The following NAPG variants were observed in gnomAD, a reference collection of about 807,000 sequenced individuals.
NAPG encodes the protein NSF attachment protein gamma.
Under a neutral mutation model 48.4 loss-of-function variants are expected in NAPG, and 25 were observed. That is an observed-to-expected ratio of 0.52 (90% confidence interval 0.38 to 0.72). The LOEUF is 0.72. NAPG is among the 30% of genes least tolerant of loss of function. NAPG has a pLI of 0.00. For synonymous variants in NAPG, 139 were observed against 127.2 expected, an observed-to-expected ratio of 1.09 and a Z score of -0.62; for missense variants, 359 against 372.5, an observed-to-expected ratio of 0.96 and a Z score of 0.30.
rs1335071297 is a variant in NAPG, at chr18:10,539,893, C to T, written c.368+22C>T. The T allele has an allele frequency of 6.8e-6, 11 of 1,612,210 alleles. No individual in the cohort carries two copies. The South Asian group carries it at 8.8e-5, about 13-fold the overall frequency. On this transcript the variant is annotated intron_variant, in intron 6 of 11. Transcript: ENST00000322897. This position sits in a 1 kb window ranked among gnomAD's most constrained non-coding sequence, Gnocchi z 4.7. ...GAAAGTGAGTGTGAGATGGACAAGTCTCTGCATAGAAGTCTTGTCTTTTTG... is the reference window on the plus strand; with the variant it reads ...GAAAGTGAGTGTGAGATGGACAAGTTTCTGCATAGAAGTCTTGTCTTTTTG...
At chr18:10,536,110 C>T (rs1281504383) in intron 5 of NAPG, among the ~76,000 whole-genome samples, 3 of 152,164 alleles carry the variant, frequency 2.0e-5, no homozygotes, top group Non-Finnish European at 4.4e-5. Context: ...TGTACTAAGA[C>T]TTGAATCTTC....
rs899263256 is a variant in NAPG, at chr18:10,526,050, C to T, written c.-53C>T. 4.5e-6 allele frequency: 7 copies of T among 1,560,936 alleles called. No individual in the cohort carries two copies. Among genetic ancestry groups the T allele is most frequent in the African/African-American group, 2.7e-5 (2 of 73,848 alleles). On this transcript the variant is annotated 5_prime_UTR_variant, in exon 1 of 12. Coordinates refer to ENST00000322897, the MANE Select transcript of NAPG (RefSeq NM_003826.3). ...GCCTATTTGGGCGGATTCTTGGCGC[C>T]GGAGGAAGAGGCAGGGTCACCCTCT...
chr18:10,537,486 G>T (rs1473615662), intron 5 of NAPG, among the ~76,000 whole-genome samples: 1 of 152,102 alleles, frequency 6.6e-6, no homozygotes, highest in Non-Finnish European at 1.5e-5. Flanking sequence ...AGGAGGAAGA[G>T]GAGGAGGAGG....
chr18:10,547,531 G>A (rs986410358), intron 9 of NAPG, among the ~76,000 whole-genome samples: 2 of 151,820 alleles, frequency 1.3e-5, no homozygotes, highest in Non-Finnish European at 2.9e-5. Flanking sequence ...TAGAAAAGAG[G>A]ACCTGTTGTT....
Position 10,540,335 on chromosome 18 carries a change from G to A in NAPG, c.442G>A (p.Glu148Lys). ...QQTANVFENEERLRQAVELLG... is the reference protein window; with the variant it reads ...QQTANVFENEKRLRQAVELLG... ...TTTTCTTTGATTCCTTCAGAATGAA[G>A]AACGCTTACGACAGGCAGTTGAATT... Residue 148 changes from glutamate (E) to lysine (K), a missense_variant, in exon 8 of 12, where the codon GAA becomes AAA. Physicochemically the swap from Glu to Lys is moderately conservative, Grantham distance 56. Transcript: ENST00000322897. The A allele has an allele frequency of 4.3e-6, 7 of 1,613,478 alleles. No individual in the cohort carries two copies. The highest frequency in any genetic ancestry group is 2.7e-5 in the African/African-American group (2 of 75,028).
Position 10,540,011 on chromosome 18 carries a change from A to G in NAPG, c.392A>G (p.Glu131Gly), listed in dbSNP as rs762630023. The G allele has an allele frequency of 4.4e-6, 7 of 1,598,932 alleles. No homozygotes were observed. In the East Asian group the frequency reaches 1.6e-4, roughly 36 times the overall value. Residue 131 changes from glutamate (E) to glycine (G), a missense_variant, in exon 7 of 12, where the codon GAG (glutamate) becomes GGG (glycine). Glu to Gly is a moderately conservative substitution (Grantham distance 98). Coordinates refer to ENST00000322897, the MANE Select transcript of NAPG (RefSeq NM_003826.3). ...AGGCTTATAGAAAATGTTGATCCAG[A>G]GAAGGCTGTACAGTTATATCAACAG... Reference protein sequence around the residue: ...AGKLIENVDPEKAVQLYQQTA... With the variant: ...AGKLIENVDPGKAVQLYQQTA...
Position 10,532,819 on chromosome 18 carries a change from G to T in NAPG, c.209+24G>T, listed in dbSNP as rs762478301. The T allele has an allele frequency of 1.0e-5, 15 of 1,505,198 alleles. No individual in the cohort carries two copies. The East Asian group carries it at 3.2e-4, about 32-fold the overall frequency. 93.2% of individuals were successfully genotyped at this position (1,505,198 alleles called of 1,614,324 possible). A position where few individuals can be genotyped will look rare whatever the true frequency, so the allele number is the denominator to read the frequency against. ...GCGTATCTTTTTCAACTTTTAAAAAGAAATTAAACAATTAGATGATTTTGA... is the reference window on the plus strand; with the variant it reads ...GCGTATCTTTTTCAACTTTTAAAAATAAATTAAACAATTAGATGATTTTGA... On this transcript the variant is annotated intron_variant, in intron 3 of 11. Transcript: ENST00000322897.
rs2032220473 is a variant in NAPG at position 10,544,452 on chromosome 18, G to C, written c.507-1874G>C. Among the ~76,000 whole-genome samples the C allele has an allele frequency of 6.6e-6, 1 of 152,228 alleles. No individual in the cohort carries two copies. Among genetic ancestry groups the C allele is most frequent in the African/African-American group, 2.4e-5 (1 of 41,458 alleles). On this transcript the variant is annotated intron_variant, in intron 8 of 11. Coordinates refer to ENST00000322897, the MANE Select transcript of NAPG (RefSeq NM_003826.3). The surrounding 1 kb of genome is among the most constrained non-coding windows in gnomAD (Gnocchi z 5.1). ...TTGATTTCCTTGCAGCTGTGTGGAAGAGATTCCTGTTTTCTTGTTGCCTGT... is the reference window on the plus strand; with the variant it reads ...TTGATTTCCTTGCAGCTGTGTGGAACAGATTCCTGTTTTCTTGTTGCCTGT...
chr18:10,540,134 T>C, intron 7 of NAPG, 80 bp downstream of exon 7: 1 of 1,256,340 alleles, frequency 8.0e-7, no homozygotes, highest in Non-Finnish European at 1.1e-6. Flanking sequence ...AGAAGTGCAG[T>C]GGCTACTTTT....
intron 2 of NAPG, among the ~76,000 whole-genome samples, chr18:10,531,176 T>C (rs573199325): frequency 1.4e-4 from 21 of 152,298 alleles, no homozygotes; most frequent in Middle Eastern, 6.8e-3. Flanking sequence ...TATTATACTT[T>C]CTATTGAATT....
At chr18:10,530,225 T>G (rs1598408938) in intron 1 of NAPG, among the ~76,000 whole-genome samples, 1 of 142,792 alleles carries the variant, frequency 7.0e-6, no homozygotes, top group African/African-American at 2.7e-5. Context: ...TTTGCCTACT[T>G]CCTCTGTTGT....
At position 10,550,400 on chromosome 18, in the gene NAPG, G is replaced by A. The variant is rs1196372501; in HGVS notation, c.*180G>A. 1 of 549,756 alleles carries A rather than the reference G, an allele frequency of 1.8e-6. No homozygotes were observed. The highest frequency in any genetic ancestry group is 3.0e-5 in the South Asian group (1 of 33,886). 34.1% of individuals were successfully genotyped at this position (549,756 alleles called of 1,614,324 possible). The stretch of plus-strand genomic sequence containing the variant: ...ACTCATTGTATCCATTACCTGTGAA[G>A]CATATCTTTTTCTTTCCATAAGAGC... On this transcript the variant is annotated 3_prime_UTR_variant, in exon 12 of 12. Coordinates refer to ENST00000322897, the MANE Select transcript of NAPG (RefSeq NM_003826.3).
chr18:10,532,873 C>T, intron 3 of NAPG, 78 bp downstream of exon 3: 1 of 1,174,206 alleles, frequency 8.5e-7, no homozygotes, highest in Non-Finnish European at 1.2e-6. Flanking sequence ...TGTAAATTTA[C>T]TTTACTACCT....
chr18:10,546,731 G>A lies in NAPG; in HGVS notation c.585+327G>A, dbSNP rs551622091. The stretch of plus-strand genomic sequence containing the variant: ...GGGTTTTTTTCCATTTCCTCTTGCA[G>A]CATTCATTGCCCTGCCCTGAGAGAA... On this transcript the variant is annotated intron_variant, in intron 9 of 11. Transcript: ENST00000322897. The surrounding 1 kb of genome is among the most constrained non-coding windows in gnomAD (Gnocchi z 4.0). Among the ~76,000 whole-genome samples, 6 of 152,300 alleles carry A rather than the reference G, an allele frequency of 3.9e-5. No individual in the cohort carries two copies. In the South Asian group the frequency reaches 1.2e-3, roughly 32 times the overall value.
intron 1 of NAPG, among the ~76,000 whole-genome samples, chr18:10,527,006 G>A (rs2031828874): frequency 6.6e-6 from 1 of 151,934 alleles, no homozygotes; most frequent in Admixed American, 6.6e-5. Flanking sequence ...TGGCTAACAC[G>A]GTGAAAACCG....
At chr18:10,528,858 A>AG in intron 1 of NAPG, among the ~76,000 whole-genome samples, 1 of 152,290 alleles carries the variant, frequency 6.6e-6, no homozygotes, top group South Asian at 2.1e-4. Context: ...GGTAGGAAAA[A>AG]TGGGCCAGGA....
intron 5 of NAPG, among the ~76,000 whole-genome samples, chr18:10,538,762 T>C (rs376145232): frequency 4.5e-4 from 69 of 152,336 alleles, no homozygotes; most frequent in African/African-American, 1.5e-3. Context: ...ATACAATGTA[T>C]TTGAGTCATT....
rs1011704206 is a variant in NAPG, at chr18:10,534,218, C to T, written c.228-248C>T. 1.3e-5 allele frequency among the ~76,000 whole-genome samples: 2 copies of T among 152,132 alleles called. No homozygotes were observed. Among genetic ancestry groups the T allele is most frequent in the Non-Finnish European group, 2.9e-5 (2 of 68,028 alleles). ...TGGAAATTAATTTAACCTTACTGAG[C>T]CTTACTTAATTTTGCATCTGCAAAA... On this transcript the variant is annotated intron_variant, in intron 4 of 11. Coordinates refer to ENST00000322897, the MANE Select transcript of NAPG (RefSeq NM_003826.3). The surrounding 1 kb of genome is among the most constrained non-coding windows in gnomAD (Gnocchi z 5.0).
rs1221413523 is a variant in NAPG, at chr18:10,539,722, A to G, written c.259-40A>G. ...TGTTAACTCTGTTTTTCTTTAATTGATGCATTTGCTGACCTGTCTACTGTA... is the reference window on the plus strand; with the variant it reads ...TGTTAACTCTGTTTTTCTTTAATTGGTGCATTTGCTGACCTGTCTACTGTA... On this transcript the variant is annotated intron_variant, in intron 5 of 11. Coordinates refer to ENST00000322897, the MANE Select transcript of NAPG (RefSeq NM_003826.3). The surrounding 1 kb of genome is among the most constrained non-coding windows in gnomAD (Gnocchi z 4.7). 1 of 1,425,268 alleles carries G rather than the reference A, an allele frequency of 7.0e-7. No individual in the cohort carries two copies. Among genetic ancestry groups the G allele is most frequent in the Non-Finnish European group, 9.8e-7 (1 of 1,019,354 alleles). The allele number at this position is 1,425,268 out of a possible 1,614,324, so 88.3% of individuals were successfully genotyped here. A position where few individuals can be genotyped will look rare whatever the true frequency, so the allele number is the denominator to read the frequency against.
Sources: gnomAD v4.1 joint callset for allele counts (sites outside exome capture counted in the v4.1 genomes callset) on GRCh38, gnomAD v4.1.1 for gene constraint, Gnocchi (gnomAD v3.1) non-coding constraint, MANE v1.5 for transcripts, NCBI Gene and HGNC (gene_info 2026-07-23, HGNC 2026-07-21) for gene names.